GCN1: variants seen among roughly 807,000 people sequenced by gnomAD.
The protein encoded by GCN1 is stalled ribosome sensor GCN1.
A neutral mutation model predicts 288.4 loss-of-function variants in GCN1; 90 were observed. The observed-to-expected ratio is 0.31, with a 90% confidence interval of 0.26 to 0.37. The LOEUF is 0.37. Ranked by LOEUF, GCN1 falls within the 10% of genes least tolerant of loss-of-function variation. The pLI, the probability that GCN1 is intolerant of heterozygous loss-of-function variation, is 1.00. For missense variants in GCN1, 2,586 were observed against 3,419.9 expected (o/e 0.76, Z 6.08); for synonymous variants, 1,386 against 1,420.2 (o/e 0.98, Z 0.54).
intron 12 of GCN1, 134 bp from the exon 13 acceptor site, chr12:120,174,303 C>T (rs1878402947): frequency 3.2e-6 from 2 of 627,334 alleles, no homozygotes; most frequent in African/African-American, 1.8e-5. Flanking sequence ...CTCCTTTGGC[C>T]ATTATTGATC....
At position 120,183,763 on chromosome 12, in the gene GCN1, C is replaced by T. The variant is rs961021683; in HGVS notation, c.318-86G>A. 34 of 792,792 alleles carry T rather than the reference C, an allele frequency of 4.3e-5. No homozygotes were observed. The Admixed American group carries it at 5.0e-4, about 12-fold the overall frequency. The allele number at this position is 792,792 out of a possible 1,614,324, so 49.1% of individuals were successfully genotyped here. A position where few individuals can be genotyped will look rare whatever the true frequency, so the allele number is the denominator to read the frequency against. On this transcript the variant is annotated intron_variant, in intron 4 of 57. Coordinates refer to ENST00000300648, the MANE Select transcript of GCN1 (RefSeq NM_006836.2). Reference sequence around the variant, plus strand: ...GTCCCTAAGGCCCCGCCTGGTAATGCAGGACCCTCCCTTCACCTCATGGAA... The same window carrying T: ...GTCCCTAAGGCCCCGCCTGGTAATGTAGGACCCTCCCTTCACCTCATGGAA...
rs1476687108 is a variant in GCN1, at chr12:120,161,897, G to A, written c.2325C>T (p.Asp775=). The part of the protein sequence containing the change: ...IMQTPAGELY[D]KSIIQSAQQD... ...GGTCTCACCTCTGAATGATGGATTT[G>A]TCATACAGCTCCCCAGCAGGGGTCT... is the stretch of plus-strand genomic sequence containing the variant. The change falls in exon 21 of 58, where the codon GAC becomes GAT. Residue 775 remains aspartate (D), a synonymous_variant. Coordinates refer to ENST00000300648, the MANE Select transcript of GCN1 (RefSeq NM_006836.2). The A allele has an allele frequency of 4.3e-6, 7 of 1,614,086 alleles. No homozygotes were observed. The highest frequency in any genetic ancestry group is 1.3e-5 in the African/African-American group (1 of 75,052).
At chr12:120,147,793 C>A (rs1877410000) in intron 37 of GCN1, among the ~76,000 whole-genome samples, 2 of 152,176 alleles carry the variant, frequency 1.3e-5, no homozygotes, top group South Asian at 4.1e-4. Context: ...TCGACCTCTT[C>A]CCAGTACTTG....
At chr12:120,140,802 C>T (rs1042735218) in intron 45 of GCN1, 57 bp downstream of exon 45, 29 of 1,539,072 alleles carry the variant, frequency 1.9e-5, no homozygotes, top group Non-Finnish European at 2.1e-5. Context: ...CCTCCCCCGC[C>T]CTCTGAGTCA....
In GCN1 at chr12:120,158,591, A is replaced by T; in HGVS notation, c.2774T>A (p.Leu925Gln). Residue 925 changes from leucine to glutamine, a missense_variant, in exon 25 of 58, where the codon CTG becomes CAG. Around this residue, in one of 8 missense-constraint regions of GCN1, gnomAD observed 153 missense variants for 252.0 expected, o/e 0.61. Coordinates refer to ENST00000300648, the MANE Select transcript of GCN1 (RefSeq NM_006836.2). The surrounding 1 kb of genome is among the most constrained non-coding windows in gnomAD (Gnocchi z 4.3). ...ALGTLVSHVT[L>Q]RLLKPECVLD... ...GACACACTCTGGCTTCAGCAGGCGC[A>T]GGGTCACGTGGCTCACCAAAGTGCC... 1 of 1,608,448 alleles carries T rather than the reference A, an allele frequency of 6.2e-7. No homozygotes were observed. Among genetic ancestry groups the T allele is most frequent in the Non-Finnish European group, 8.5e-7 (1 of 1,177,386 alleles).
chr12:120,183,016 C>A (rs971751045), intron 5 of GCN1, among the ~76,000 whole-genome samples: 2 of 151,426 alleles, frequency 1.3e-5, no homozygotes, highest in Non-Finnish European at 2.9e-5. Context: ...TACCCAGGCA[C>A]ATGTCTGCTC....
chr12:120,128,776 G>A (rs891177689), intron 57 of GCN1, among the ~76,000 whole-genome samples: 5 of 151,700 alleles, frequency 3.3e-5, no homozygotes. Context: ...GGCCCTGCTC[G>A]GAAAGAAGTC....
intron 35 of GCN1, 47 bp from the exon 36 acceptor site, chr12:120,149,767 G>C (rs754404229): frequency 6.4e-7 from 1 of 1,559,604 alleles, no homozygotes; most frequent in Non-Finnish European, 8.8e-7. Flanking sequence ...ACCCAAGCAA[G>C]GGGCAAGGCC....
At chr12:120,162,080 G>A in intron 20 of GCN1, 22 bp from the exon 21 acceptor site, 1 of 1,607,534 alleles carries the variant, frequency 6.2e-7, no homozygotes, top group Non-Finnish European at 8.5e-7. Context: ...ACGCAGACAT[G>A]GTCAGTGTGT....
chr12:120,157,516 G>A (rs1046610403), intron 26 of GCN1, among the ~76,000 whole-genome samples: 4 of 152,166 alleles, frequency 2.6e-5, no homozygotes, highest in Non-Finnish European at 5.9e-5. Context: ...ACAGGAAAAA[G>A]TTAGAAACAA....
intron 56 of GCN1, 44 bp downstream of exon 56, chr12:120,130,602 A>T: frequency 7.6e-7 from 1 of 1,313,916 alleles, no homozygotes; most frequent in South Asian, 1.2e-5. Flanking sequence ...ACCTCCTCAC[A>T]AGCCAGGTGT....
Position 120,137,484 on chromosome 12 carries a change from C to T in GCN1, c.6663+61G>A. On this transcript the variant is annotated intron_variant, in intron 49 of 57. Coordinates refer to ENST00000300648, the MANE Select transcript of GCN1 (RefSeq NM_006836.2). This position sits in a 1 kb window ranked among gnomAD's most constrained non-coding sequence, Gnocchi z 5.2. Reference sequence around the variant, plus strand: ...GTGGGGGATTCTTATAAGTCTATTCCTGTAAATGTCTGGAATTTTCTAAAA... The same window carrying T: ...GTGGGGGATTCTTATAAGTCTATTCTTGTAAATGTCTGGAATTTTCTAAAA... The T allele has an allele frequency of 1.3e-6, 2 of 1,566,216 alleles. No homozygotes were observed. The highest frequency in any genetic ancestry group is 1.1e-5 in the South Asian group (1 of 88,994).
chr12:120,184,785 C>A, intron 3 of GCN1, 39 bp downstream of exon 3: 2 of 1,457,110 alleles, frequency 1.4e-6, no homozygotes, highest in African/African-American at 1.4e-5. Context: ...CCTCTCTGTA[C>A]AAAGTGCTCC....
At chr12:120,167,977 G>A (rs1878187269) in intron 16 of GCN1, among the ~76,000 whole-genome samples, 1 of 151,428 alleles carries the variant, frequency 6.6e-6, no homozygotes, top group African/African-American at 2.4e-5. Flanking sequence ...TCATGTCGTA[G>A]CTCCACAGCC....
At chr12:120,152,393 A>G (rs111878141) in intron 33 of GCN1, among the ~76,000 whole-genome samples, 177 of 128,640 alleles carry the variant, frequency 1.4e-3, no homozygotes, top group Middle Eastern at 0.013. Flanking sequence ...ACACGCGCAC[A>G]CACACACACA....
chr12:120,130,542 C>A, intron 56 of GCN1, 104 bp downstream of exon 56: 1 of 768,844 alleles, frequency 1.3e-6, no homozygotes, highest in Non-Finnish European at 2.4e-6. Flanking sequence ...CCACGGAGAA[C>A]TAGCACACAA....
At chr12:120,163,335 G>A in intron 18 of GCN1, 76 bp from the exon 19 acceptor site, 1 of 1,191,026 alleles carries the variant, frequency 8.4e-7, no homozygotes, top group Admixed American at 1.8e-5. Context: ...ATATGCTACG[G>A]ACACAGCGGC....
chr12:120,153,521 C>T lies in GCN1; in HGVS notation c.3868-114G>A, dbSNP rs1166248385. ...TCTAGCTCTGGGACAGGCATCCTGACATGCCAGCCAGTGGCTCTTCCAGTT... is the reference window on the plus strand; with the variant it reads ...TCTAGCTCTGGGACAGGCATCCTGATATGCCAGCCAGTGGCTCTTCCAGTT... On this transcript the variant is annotated intron_variant, in intron 32 of 57. Transcript: ENST00000300648. The surrounding 1 kb of genome is among the most constrained non-coding windows in gnomAD (Gnocchi z 4.4). 1 of 996,206 alleles carries T rather than the reference C, an allele frequency of 1.0e-6. No homozygotes were observed. The highest frequency in any genetic ancestry group is 1.6e-5 in the African/African-American group (1 of 61,690). 61.7% of individuals were successfully genotyped at this position (996,206 alleles called of 1,614,324 possible).
chr12:120,142,926 C>T lies in GCN1; in HGVS notation c.5511G>A (p.Gln1837=), dbSNP rs199870445. 2 of 1,608,400 alleles carry T rather than the reference C, an allele frequency of 1.2e-6. No individual in the cohort carries two copies. Among genetic ancestry groups the T allele is most frequent in the African/African-American group, 2.7e-5 (2 of 74,924 alleles). The change falls in exon 43 of 58, where the codon CAG becomes CAA. Residue 1837 remains glutamine, a synonymous_variant. Transcript: ENST00000300648. This position sits in a 1 kb window ranked among gnomAD's most constrained non-coding sequence, Gnocchi z 4.9. ...DLWRIRFSSV[Q]LLGDLLFHIS... ...TGTGAAACAGGAGATCCCCAAGGAG[C>T]TGAACAGAGCTGAACCTGAGAAGGA...
Sources: gnomAD v4.1 joint callset for allele counts (sites outside exome capture counted in the v4.1 genomes callset) on GRCh38, gnomAD v4.1.1 for gene constraint, gnomAD v4.1.1 regional missense constraint, Gnocchi (gnomAD v3.1) non-coding constraint, MANE v1.5 for transcripts, NCBI Gene and HGNC (gene_info 2026-07-23, HGNC 2026-07-21) for gene names.